Variants in VOPP1 observed in about 807,000 individuals in gnomAD.
VOPP1 encodes the protein WW domain binding protein VOPP1.
Under a neutral mutation model 23.5 loss-of-function variants are expected in VOPP1, and 8 were observed. That is an observed-to-expected ratio of 0.34 (90% CI 0.20 to 0.61). VOPP1 has a LOEUF of 0.61. VOPP1 is among the 20% of genes least tolerant of loss of function. The probability of loss-of-function intolerance (pLI) is 0.78; values close to 1 mark genes in which losing one functional copy is unlikely to be tolerated. For synonymous variants in VOPP1, 83 were observed against 97.3 expected (o/e 0.85, Z 0.86); for missense variants, 174 against 238.1 (o/e 0.73, Z 1.77).
chr7:55,478,273 C>T (rs758751545), intron 4 of VOPP1, among the ~76,000 whole-genome samples: 2 of 152,144 alleles, frequency 1.3e-5, no homozygotes, highest in African/African-American at 2.4e-5. Context: ...AAGTCATAAC[C>T]TCAACTCCTT....
rs558808600 is a variant in VOPP1 at position 55,515,853 on chromosome 7, C to T, written c.113+5219G>A. 5 of 520,826 alleles carry T rather than the reference C, an allele frequency of 9.6e-6. No individual in the cohort carries two copies. The South Asian group carries it at 3.3e-4, about 34-fold the overall frequency. 32.3% of individuals were successfully genotyped at this position (520,826 alleles called of 1,614,324 possible). ...CTTCTCTGACAAACGCCACCTTAGT[C>T]GGCAGCACTTTCTGGACTGACAGGG... On this transcript the variant is annotated intron_variant, in intron 2 of 4. Coordinates refer to ENST00000285279, the MANE Select transcript of VOPP1 (RefSeq NM_030796.5).
chr7:55,467,611 G>T (rs1159851526), downstream of VOPP1, among the ~76,000 whole-genome samples: 2 of 152,146 alleles, frequency 1.3e-5, no homozygotes, highest in Non-Finnish European at 2.9e-5. Context: ...CAGATTTTTT[G>T]AAGTTCAATG....
chr7:55,468,285 A>AG (rs1215545257), downstream of VOPP1, among the ~76,000 whole-genome samples: 6 of 150,886 alleles, frequency 4.0e-5, no homozygotes, highest in Non-Finnish European at 5.9e-5. Flanking sequence ...AAAAAAAAAA[A>AG]AAAGAAAAAA....
intron 1 of VOPP1, among the ~76,000 whole-genome samples, chr7:55,530,348 ACT>A (rs1271432640): frequency 6.6e-6 from 1 of 151,894 alleles, no homozygotes; most frequent in Admixed American, 6.6e-5. Context: ...ATGATGTAAG[ACT>A]CTTTTCATTC....
At chr7:55,500,832 G>A (rs1583935085) in intron 2 of VOPP1, among the ~76,000 whole-genome samples, 1 of 152,240 alleles carries the variant, frequency 6.6e-6, no homozygotes, top group Non-Finnish European at 1.5e-5. Flanking sequence ...ACTGTCTGCA[G>A]AAGCGAAGAG....
chr7:55,508,584 C>A (rs1467098174), intron 2 of VOPP1, among the ~76,000 whole-genome samples: 1 of 152,154 alleles, frequency 6.6e-6, no homozygotes, highest in Non-Finnish European at 1.5e-5. Context: ...TGAAACTCCA[C>A]CTTTGTGTTT....
At chr7:55,465,395 T>C (rs1441821067) in intron 4 of VOPP1, among the ~76,000 whole-genome samples, 2 of 152,330 alleles carry the variant, frequency 1.3e-5, no homozygotes, top group South Asian at 4.1e-4. Context: ...GTAGGTGATG[T>C]GTGGAGTGGT....
intron 4 of VOPP1, among the ~76,000 whole-genome samples, chr7:55,481,052 G>A (rs527921826): frequency 6.6e-6 from 1 of 152,364 alleles, no homozygotes; most frequent in Admixed American, 6.5e-5. Flanking sequence ...GGCCTCATGA[G>A]GAGGTGAAGG....
At chr7:55,538,576 G>T in intron 1 of VOPP1, 1 of 1,524,806 alleles carries the variant, frequency 6.6e-7, no homozygotes, top group Non-Finnish European at 8.8e-7. Context: ...TGCTTTACAT[G>T]GTTTAATAAC....
At chr7:55,492,004 G>C (rs887963278) in intron 4 of VOPP1, among the ~76,000 whole-genome samples, 1 of 152,184 alleles carries the variant, frequency 6.6e-6, no homozygotes, top group Admixed American at 6.5e-5. Context: ...TTAAGGAAAA[G>C]GGCAGAGAGC....
chr7:55,476,298 A>G (rs1035026018), intron 4 of VOPP1, among the ~76,000 whole-genome samples: 3 of 152,126 alleles, frequency 2.0e-5, no homozygotes, highest in African/African-American at 7.2e-5. Flanking sequence ...ACACGCTGTG[A>G]TGTTAACTGA....
intron 1 of VOPP1, among the ~76,000 whole-genome samples, chr7:55,542,868 T>C (rs896087536): frequency 6.6e-6 from 1 of 152,210 alleles, no homozygotes; most frequent in African/African-American, 2.4e-5. Flanking sequence ...TTCTCCATAT[T>C]GATCCACATT....
intron 1 of VOPP1, chr7:55,539,575 C>T (rs930389120): frequency 2.0e-5 from 3 of 152,156 alleles, no homozygotes; most frequent in African/African-American, 7.2e-5. Flanking sequence ...AACTAATGAG[C>T]TGTTAAAGGG....
chr7:55,564,607 T>C (rs1443013537), intron 1 of VOPP1, among the ~76,000 whole-genome samples: 2 of 152,156 alleles, frequency 1.3e-5, no homozygotes, highest in African/African-American at 4.8e-5. Context: ...CAAAGTTTCT[T>C]CTTAATCTAG....
intron 1 of VOPP1, among the ~76,000 whole-genome samples, chr7:55,543,922 G>C (rs4339591): frequency 6.6e-6 from 1 of 151,968 alleles, no homozygotes; most frequent in East Asian, 1.9e-4. Flanking sequence ...TGATGTAATC[G>C]TATTTGTCAA....
At chr7:55,469,345 T>G (rs1352562174), downstream of VOPP1, among the ~76,000 whole-genome samples, 1 of 152,162 alleles carries the variant, frequency 6.6e-6, no homozygotes, top group Non-Finnish European at 1.5e-5. Flanking sequence ...TTTAGATGAC[T>G]GTCATCTAAA....
At chr7:55,443,237 TCAGATA>T (rs1298366225) in intron 4 of VOPP1, among the ~76,000 whole-genome samples, 2 of 151,910 alleles carry the variant, frequency 1.3e-5, no homozygotes, top group African/African-American at 4.8e-5. Context: ...CTTATTTGGA[TCAGATA>T]CAAACAATTT....
intron 1 of VOPP1, among the ~76,000 whole-genome samples, chr7:55,566,098 G>C (rs939411348): frequency 6.6e-6 from 1 of 152,178 alleles, no homozygotes; most frequent in Non-Finnish European, 1.5e-5. Flanking sequence ...AAAAGATCTA[G>C]CAGTCAAGCC....
chr7:55,548,877 G>A (rs549869837), intron 1 of VOPP1, among the ~76,000 whole-genome samples: 1 of 152,316 alleles, frequency 6.6e-6, no homozygotes, highest in South Asian at 2.1e-4. Context: ...AGGATCATGA[G>A]ATCCCAGCAT....
Sources: allele counts gnomAD v4.1 joint callset (sites outside exome capture counted in the v4.1 genomes callset), GRCh38; gene constraint gnomAD v4.1.1; transcripts MANE v1.5; gene names NCBI Gene and HGNC (gene_info 2026-07-23, HGNC 2026-07-21).